Variants in SORCS3 observed in about 807,000 individuals in gnomAD.
SORCS3 encodes VPS10 domain-containing receptor SorCS3.
A neutral mutation model predicts 146.3 loss-of-function variants in SORCS3; 57 were observed. The ratio of observed to expected loss-of-function variants is 0.39; its 90% CI spans 0.31 to 0.49. The LOEUF (loss-of-function observed/expected upper bound fraction) is 0.49. Among genes scored for constraint, SORCS3 ranks in the 20% least tolerant of loss-of-function variants. SORCS3 has a pLI of 0.92. For missense variants in SORCS3, 1,341 were observed against 1,575.5 expected (o/e 0.85, Z 2.52); for synonymous variants, 653 against 618.5 (o/e 1.06, Z -0.83).
At chr10:105,147,087 T>C (rs2056136560) in intron 8 of SORCS3, among the ~76,000 whole-genome samples, 1 of 152,146 alleles carries the variant, frequency 6.6e-6, no homozygotes. Flanking sequence ...ATACAACAGA[T>C]GCAAATATTT....
intron 5 of SORCS3, among the ~76,000 whole-genome samples, chr10:105,062,377 A>G (rs2055493757): frequency 6.6e-6 from 1 of 152,198 alleles, no homozygotes; most frequent in Non-Finnish European, 1.5e-5. Flanking sequence ...TCTAATAACA[A>G]CAGCAATCTG....
intron 1 of SORCS3, among the ~76,000 whole-genome samples, chr10:104,840,871 T>C (rs775984982): frequency 1.3e-5 from 2 of 152,394 alleles, no homozygotes; most frequent in Non-Finnish European, 2.9e-5. Flanking sequence ...TCTGACTTGC[T>C]CCTGCAGAGC....
intron 1 of SORCS3, among the ~76,000 whole-genome samples, chr10:104,697,052 A>G (rs941158748): frequency 1.3e-5 from 2 of 151,900 alleles, no homozygotes; most frequent in African/African-American, 4.8e-5. Context: ...AATGTCCAGC[A>G]TGGGTGGTGA....
chr10:104,945,423 A>T (rs889853824), intron 3 of SORCS3, among the ~76,000 whole-genome samples: 1 of 151,374 alleles, frequency 6.6e-6, no homozygotes, highest in Non-Finnish European at 1.5e-5. Flanking sequence ...ACCCCTAGCT[A>T]ATTTTTTGTA....
intron 22 of SORCS3, among the ~76,000 whole-genome samples, chr10:105,250,228 C>G (rs1321270649): frequency 6.6e-6 from 1 of 152,032 alleles, no homozygotes; most frequent in Non-Finnish European, 1.5e-5. Context: ...TCTCAAGGCC[C>G]CACCCTGATA....
intron 7 of SORCS3, among the ~76,000 whole-genome samples, chr10:105,107,537 T>C (rs1415713645): frequency 6.6e-6 from 1 of 152,208 alleles, no homozygotes; most frequent in Non-Finnish European, 1.5e-5. Context: ...GAAACATTCC[T>C]TTTTTATTAT....
chr10:104,684,463 C>T (rs746975922), intron 1 of SORCS3, among the ~76,000 whole-genome samples: 12 of 152,138 alleles, frequency 7.9e-5, no homozygotes, highest in Admixed American at 2.6e-4. Context: ...TTTTTGAGCA[C>T]CCACTGTGTG....
At chr10:105,137,420 A>T (rs546181757) in intron 7 of SORCS3, among the ~76,000 whole-genome samples, 70 of 152,230 alleles carry the variant, frequency 4.6e-4, no homozygotes, top group Non-Finnish European at 7.9e-4. Context: ...TGGCTGGATC[A>T]CACACTGTGA....
intron 17 of SORCS3, 69 bp downstream of exon 17, chr10:105,211,319 T>G (rs1295573971): frequency 2.9e-6 from 3 of 1,033,380 alleles, no homozygotes; most frequent in Admixed American, 1.8e-5. Flanking sequence ...CCAAAGGAAA[T>G]GCATTGCTAT....
At chr10:105,010,649 T>C (rs2055129539) in intron 4 of SORCS3, among the ~76,000 whole-genome samples, 1 of 152,150 alleles carries the variant, frequency 6.6e-6, no homozygotes, top group Non-Finnish European at 1.5e-5. Context: ...AGACACACAC[T>C]TTAATTAAAG....
intron 1 of SORCS3, among the ~76,000 whole-genome samples, chr10:104,657,224 G>T (rs1242488898): frequency 2.6e-5 from 4 of 152,154 alleles, no homozygotes; most frequent in Non-Finnish European, 5.9e-5. Context: ...CGCTAGATCA[G>T]CCCAGCCCAG....
Position 105,238,591 on chromosome 10 carries a change from G to A in SORCS3, c.2869-6951G>A, listed in dbSNP as rs554425854. 3.7e-4 allele frequency among the ~76,000 whole-genome samples: 57 copies of A among 152,290 alleles called. 2 individuals are homozygous for A. Among genetic ancestry groups the A allele is most frequent in the African/African-American group, 1.2e-3 (49 of 41,562 alleles). ...CATTTGGGCAGAAGTTGGAGAAAAC[G>A]CTGAAAGGTGAGGAAGACAGATGAC... On this transcript the variant is annotated intron_variant, in intron 20 of 26. Transcript: ENST00000369701.
At position 104,977,633 on chromosome 10, in the gene SORCS3, G is replaced by T. The variant is rs2054908059; in HGVS notation, c.954+140G>T. ...CCCAAATCATTTCATCATTGATTTT[G>T]TCTGCAGCAACTAACTTTCCTTTCT... is the stretch of plus-strand genomic sequence containing the variant. On this transcript the variant is annotated intron_variant, in intron 4 of 26. Coordinates refer to ENST00000369701, the MANE Select transcript of SORCS3 (RefSeq NM_014978.3). 17 of 762,154 alleles carry T rather than the reference G, an allele frequency of 2.2e-5. No homozygotes were observed. In the South Asian group the frequency reaches 4.3e-4, roughly 19 times the overall value. 47.2% of individuals were successfully genotyped at this position (762,154 alleles called of 1,614,324 possible).
intron 12 of SORCS3, among the ~76,000 whole-genome samples, chr10:105,166,206 G>A (rs1218941098): frequency 6.6e-6 from 1 of 152,056 alleles, no homozygotes; most frequent in Admixed American, 6.6e-5. Context: ...GGTTCCCTGG[G>A]GCATATATAT....
At chr10:104,766,643 C>T (rs2133480607) in intron 1 of SORCS3, among the ~76,000 whole-genome samples, 1 of 152,294 alleles carries the variant, frequency 6.6e-6, no homozygotes, top group African/African-American at 2.4e-5. Flanking sequence ...TCACAGTGGC[C>T]AGTTGAGCAT....
chr10:104,788,786 C>T (rs1461160957), intron 1 of SORCS3, among the ~76,000 whole-genome samples: 2 of 152,150 alleles, frequency 1.3e-5, no homozygotes, highest in Non-Finnish European at 2.9e-5. Context: ...AAAGTGTCTC[C>T]AGGAACTCTC....
At chr10:105,081,987 C>G (rs1184535737) in intron 5 of SORCS3, among the ~76,000 whole-genome samples, 6 of 152,092 alleles carry the variant, frequency 3.9e-5, no homozygotes, top group Non-Finnish European at 7.4e-5. Context: ...TGAAGTTTAT[C>G]TAACAGAATG....
At chr10:105,149,095 C>T (rs1457888996) in intron 9 of SORCS3, among the ~76,000 whole-genome samples, 1 of 152,102 alleles carries the variant, frequency 6.6e-6, no homozygotes, top group Non-Finnish European at 1.5e-5. Flanking sequence ...TTGTAAGTTT[C>T]CTGAGACTTT....
chr10:105,196,174 G>A (rs1170442799), intron 14 of SORCS3, among the ~76,000 whole-genome samples: 2 of 152,170 alleles, frequency 1.3e-5, no homozygotes, highest in Non-Finnish European at 2.9e-5. Flanking sequence ...ATTCTTTGAG[G>A]CTCGGAGTCA....
Sources: allele counts gnomAD v4.1 joint callset (sites outside exome capture counted in the v4.1 genomes callset), GRCh38; gene constraint gnomAD v4.1.1; transcripts MANE v1.5; gene names NCBI Gene and HGNC (gene_info 2026-07-23, HGNC 2026-07-21).